The following PSD2 variants were observed in gnomAD, a reference collection of about 807,000 sequenced individuals.
PSD2 encodes PH and SEC7 domain-containing protein 2.
In PSD2, 38 loss-of-function variants were observed where a neutral mutation model predicts 69.8. The observed-to-expected ratio is 0.54, with a 90% CI of 0.42 to 0.71. The LOEUF is 0.71. Among genes scored for constraint, PSD2 ranks in the 30% least tolerant of loss-of-function variants. The pLI is 0.00. For synonymous variants in PSD2, 412 were observed against 423.0 expected (o/e 0.97, Z 0.32); for missense variants, 943 against 1,014.5 (o/e 0.93, Z 0.96).
intron 1 of PSD2, among the ~76,000 whole-genome samples, chr5:139,803,481 C>T (rs1321774096): frequency 6.6e-6 from 1 of 152,214 alleles, no homozygotes; most frequent in Admixed American, 6.5e-5. Context: ...TTAGTCCTCA[C>T]AGGTGCCTTG....
chr5:139,787,357 G>T, the PSD2 span, among the ~76,000 whole-genome samples: 38 of 152,212 alleles, frequency 2.5e-4, 1 homozygote, highest in South Asian at 7.1e-3. Context: ...ACAGACGAAG[G>T]GGGGCCTGGG....
intron 7 of PSD2, among the ~76,000 whole-genome samples, chr5:139,832,515 C>T (rs1234088074): frequency 6.6e-6 from 1 of 152,188 alleles, no homozygotes; most frequent in Non-Finnish European, 1.5e-5. Flanking sequence ...TAAAATAGTG[C>T]CAATGTCAGT....
Position 139,809,560 on chromosome 5 carries a change from C to G in PSD2, c.120C>G (p.Asn40Lys), listed in dbSNP as rs781224778. 1.9e-6 allele frequency: 3 copies of G among 1,614,000 alleles called. No individual in the cohort carries two copies. Among genetic ancestry groups the G allele is most frequent in the Non-Finnish European group, 2.5e-6 (3 of 1,179,892 alleles). Reference sequence around the variant, plus strand: ...ATGGGATGGCCAGTGAGGGCCTGAACAGCAGCCTCTGCAGCCCAGGGCACG... The same window carrying G: ...ATGGGATGGCCAGTGAGGGCCTGAAGAGCAGCCTCTGCAGCCCAGGGCACG... ...VRNGMASEGLNSSLCSPGHER... is the reference protein window; with the variant it reads ...VRNGMASEGLKSSLCSPGHER... Residue 40 changes from asparagine to lysine, a missense_variant, in exon 2 of 15, where the codon AAC becomes AAG. Asn to Lys is a moderately conservative substitution (Grantham distance 94). Coordinates refer to ENST00000274710, the MANE Select transcript of PSD2 (RefSeq NM_032289.4).
chr5:139,749,623 G>A, the PSD2 span, among the ~76,000 whole-genome samples: 9 of 152,140 alleles, frequency 5.9e-5, no homozygotes, highest in African/African-American at 2.2e-4. Flanking sequence ...GGTCATCTAC[G>A]GTATCCTTTC....
chr5:139,803,010 G>A (rs1443547844), intron 1 of PSD2, among the ~76,000 whole-genome samples: 1 of 152,236 alleles, frequency 6.6e-6, no homozygotes, highest in African/African-American at 2.4e-5. Context: ...AAGGAAAGCA[G>A]GTGGGGGCTG....
the PSD2 span, among the ~76,000 whole-genome samples, chr5:139,756,101 A>C: frequency 6.6e-6 from 1 of 152,028 alleles, no homozygotes; most frequent in Non-Finnish European, 1.5e-5. Context: ...GAGCCTCGGT[A>C]ATTTCCGAGT....
the PSD2 span, among the ~76,000 whole-genome samples, chr5:139,770,050 G>A: frequency 6.6e-6 from 1 of 152,208 alleles, no homozygotes; most frequent in African/African-American, 2.4e-5. Context: ...GCCGGCTGGG[G>A]CTCCTGTGTG....
Position 139,842,615 on chromosome 5 carries a change from G to A in PSD2, c.*141G>A. ...GGGTGCAGAAAGCCTGTGGGCCCAG[G>A]AGATGGAGATGCCGTTTGTGGCGTT... On this transcript the variant is annotated 3_prime_UTR_variant, in exon 15 of 15. Transcript: ENST00000274710. The A allele has an allele frequency of 1.4e-6, 1 of 704,464 alleles. No individual in the cohort carries two copies. The allele number at this position is 704,464 out of a possible 1,614,324, so 43.6% of individuals were successfully genotyped here.
intron 4 of PSD2, among the ~76,000 whole-genome samples, chr5:139,815,716 G>A (rs1304442373): frequency 6.6e-6 from 1 of 152,056 alleles, no homozygotes; most frequent in Non-Finnish European, 1.5e-5. Flanking sequence ...ATTTCAGGCC[G>A]GGCATAGTGG....
chr5:139,837,834 G>T lies in PSD2; in HGVS notation c.1823+52G>T. On this transcript the variant is annotated intron_variant, in intron 12 of 14. Transcript: ENST00000274710. This position sits in a 1 kb window ranked among gnomAD's most constrained non-coding sequence, Gnocchi z 5.0. ...CCCACCTGGGGCCCAGGGCCACAGT[G>T]ACCCGGCACACAACCCCTCTCCTTC... is the stretch of plus-strand genomic sequence containing the variant. The T allele has an allele frequency of 6.5e-7, 1 of 1,548,074 alleles. No individual in the cohort carries two copies. Among genetic ancestry groups the T allele is most frequent in the Non-Finnish European group, 8.8e-7 (1 of 1,134,940 alleles).
chr5:139,812,043 A>G (rs1483810358), intron 2 of PSD2, among the ~76,000 whole-genome samples: 1 of 151,968 alleles, frequency 6.6e-6, no homozygotes, highest in Non-Finnish European at 1.5e-5. Context: ...TCCCTGGTGG[A>G]TAAGAATCTT....
At chr5:139,816,873 G>A (rs143484255) in intron 4 of PSD2, among the ~76,000 whole-genome samples, 130 of 152,284 alleles carry the variant, frequency 8.5e-4, no homozygotes, top group African/African-American at 2.9e-3. Context: ...CGGATGCCTC[G>A]TCCTGAAGTC....
chr5:139,796,549 T>G (rs1241193910), intron 1 of PSD2, among the ~76,000 whole-genome samples: 1 of 152,140 alleles, frequency 6.6e-6, no homozygotes, highest in Non-Finnish European at 1.5e-5. Context: ...GGCGTGGCAG[T>G]CAGGGCTGAG....
intron 2 of PSD2, 121 bp from the exon 3 acceptor site, chr5:139,813,188 G>A: frequency 1.4e-6 from 1 of 739,922 alleles, no homozygotes; most frequent in African/African-American, 1.7e-5. Flanking sequence ...GAAGGGATAA[G>A]TGAATAGGAT....
At chr5:139,779,760 T>C in the PSD2 span, among the ~76,000 whole-genome samples, 8 of 152,370 alleles carry the variant, frequency 5.3e-5, no homozygotes, top group East Asian at 1.5e-3. Flanking sequence ...TAGAATGTCA[T>C]AATCATCGAA....
Position 139,813,322 on chromosome 5 carries a change from G to C in PSD2, c.385G>C (p.Gly129Arg). The C allele has an allele frequency of 6.4e-7, 1 of 1,553,960 alleles. No homozygotes were observed. The highest frequency in any genetic ancestry group is 8.7e-7 in the Non-Finnish European group (1 of 1,144,414). ...TGCATCCCACAGGTTGGATGGTCCCGGGGAGCCAGATGTGCGGGATGGCTT... is the reference window on the plus strand; with the variant it reads ...TGCATCCCACAGGTTGGATGGTCCCCGGGAGCCAGATGTGCGGGATGGCTT... ...EDPQLGLDGP[G>R]EPDVRDGFSA... is the part of the protein sequence containing the mutation. Residue 129 changes from glycine (G) to arginine (R), a missense_variant, in exon 3 of 15, where the codon GGG (glycine) becomes CGG (arginine). This residue lies in a region of PSD2 where 466 missense variants were observed against 445.0 expected (regional missense o/e 1.05). Transcript: ENST00000274710.
chr5:139,822,695 C>T (rs777068893), intron 6 of PSD2, 31 bp from the exon 7 acceptor site: 11 of 1,593,514 alleles, frequency 6.9e-6, no homozygotes, highest in African/African-American at 2.7e-5. Context: ...GTTGGATCCT[C>T]GCACTGAGAG....
rs963419794 is a variant in PSD2, at chr5:139,837,910, T to C, written c.1823+128T>C. On this transcript the variant is annotated intron_variant, in intron 12 of 14. Transcript: ENST00000274710. The surrounding 1 kb of genome is among the most constrained non-coding windows in gnomAD (Gnocchi z 5.0). ...TATCCACATGACACAGACCGACAGC[T>C]GGGTCCCTCCAAAGCAGTGGTTCCC... 6.7e-6 allele frequency: 6 copies of C among 894,674 alleles called. No homozygotes were observed. Among genetic ancestry groups the C allele is most frequent in the Non-Finnish European group, 1.0e-5 (6 of 598,918 alleles). The allele number at this position is 894,674 out of a possible 1,614,324, so 55.4% of individuals were successfully genotyped here.
At chr5:139,830,586 CTT>C (rs1234723380) in intron 7 of PSD2, among the ~76,000 whole-genome samples, 2,671 of 132,836 alleles carry the variant, frequency 0.02, 73 homozygotes, top group African/African-American at 0.039. Flanking sequence ...TTCTTTCTTT[CTT>C]TCTTTTTCTT....
Sources: allele counts gnomAD v4.1 joint callset (sites outside exome capture counted in the v4.1 genomes callset), GRCh38; gene constraint gnomAD v4.1.1; regional missense constraint gnomAD v4.1.1; non-coding constraint Gnocchi (gnomAD v3.1); transcripts MANE v1.5; gene names NCBI Gene and HGNC (gene_info 2026-07-23, HGNC 2026-07-21).